The following ELMO1 variants were observed in gnomAD, a reference collection of about 807,000 sequenced individuals.
The protein encoded by ELMO1 is engulfment and cell motility 1, also known as engulfment and cell motility protein 1.
ELMO1 carries 26 observed loss-of-function variants against 98.9 expected under a neutral mutation model. The ratio of observed to expected loss-of-function variants is 0.26; its 90% CI spans 0.19 to 0.36. ELMO1 has a LOEUF of 0.36. Among genes scored for constraint, ELMO1 ranks in the 10% least tolerant of loss-of-function variants. ELMO1 has a pLI of 1.00. For missense variants in ELMO1, 627 were observed against 935.2 expected, an observed-to-expected ratio of 0.67 and a Z score of 4.30; for synonymous variants, 346 against 346.0, an observed-to-expected ratio of 1.00 and a Z score of 0.00.
intron 15 of ELMO1, among the ~76,000 whole-genome samples, chr7:37,062,492 T>C (rs976513856): frequency 6.6e-6 from 1 of 152,144 alleles, no homozygotes; most frequent in Non-Finnish European, 1.5e-5. Context: ...ACCATGAAAA[T>C]AGCTCACCGA....
intron 14 of ELMO1, among the ~76,000 whole-genome samples, chr7:37,118,572 T>C (rs1189903751): frequency 6.6e-6 from 1 of 152,216 alleles, no homozygotes; most frequent in Non-Finnish European, 1.5e-5. Flanking sequence ...CAGAAGGCTG[T>C]ACATCAATCA....
chr7:37,088,434 A>G (rs1262529698), intron 15 of ELMO1, among the ~76,000 whole-genome samples: 5 of 152,238 alleles, frequency 3.3e-5, no homozygotes, highest in Admixed American at 1.3e-4. Context: ...GCATCTTGGT[A>G]TCTCTAAGCT....
chr7:37,164,059 G>A (rs80062696), intron 13 of ELMO1, among the ~76,000 whole-genome samples: 32,579 of 152,078 alleles, frequency 0.21, 4,578 homozygotes, highest in African/African-American at 0.39. Context: ...ATCCCATTGC[G>A]GTTTTGATTT....
At chr7:37,262,424 G>T (rs142542002) in intron 5 of ELMO1, among the ~76,000 whole-genome samples, 2 of 152,202 alleles carry the variant, frequency 1.3e-5, no homozygotes, top group East Asian at 3.9e-4. Context: ...TCTCCAAATT[G>T]TCAAACTACA....
chr7:36,896,498 A>C (rs1376175215), intron 16 of ELMO1, among the ~76,000 whole-genome samples: 1 of 152,212 alleles, frequency 6.6e-6, no homozygotes, highest in Non-Finnish European at 1.5e-5. Flanking sequence ...TTTTCATTGA[A>C]GACATTTCAT....
intron 15 of ELMO1, among the ~76,000 whole-genome samples, chr7:37,093,706 G>A (rs977089416): frequency 6.6e-6 from 1 of 152,202 alleles, no homozygotes; most frequent in African/African-American, 2.4e-5. Context: ...ACCACAGGGT[G>A]TTTTATCATT....
rs531322286 is a variant in ELMO1, at chr7:37,103,586, C to T, written c.1192-6859G>A. 4.6e-5 allele frequency among the ~76,000 whole-genome samples: 7 copies of T among 151,546 alleles called. No individual in the cohort carries two copies. In the East Asian group the frequency reaches 7.8e-4, roughly 17 times the overall value. On this transcript the variant is annotated intron_variant, in intron 14 of 21. Coordinates refer to ENST00000310758, the MANE Select transcript of ELMO1 (RefSeq NM_014800.11). ...CATTAGGTTATCTAATGTTAAATGACGAGTTAATGGGTGCAGCACAACGTG... is the reference window on the plus strand; with the variant it reads ...CATTAGGTTATCTAATGTTAAATGATGAGTTAATGGGTGCAGCACAACGTG...
At chr7:37,277,820 C>T (rs1022090171) in intron 4 of ELMO1, among the ~76,000 whole-genome samples, 3 of 152,258 alleles carry the variant, frequency 2.0e-5, no homozygotes, top group Admixed American at 1.3e-4. Context: ...GCAATAACAG[C>T]ACTTTGTATG....
intron 15 of ELMO1, among the ~76,000 whole-genome samples, chr7:37,045,256 C>T (rs1397181005): frequency 6.6e-6 from 1 of 152,134 alleles, no homozygotes; most frequent in African/African-American, 2.4e-5. Context: ...ATTACTATTA[C>T]TAATGGTAAT....
At chr7:36,873,656 C>T (rs1303363560) in intron 19 of ELMO1, among the ~76,000 whole-genome samples, 1 of 152,182 alleles carries the variant, frequency 6.6e-6, no homozygotes, top group Non-Finnish European at 1.5e-5. Flanking sequence ...CTGCATGTTC[C>T]CCTGCTAGGC....
chr7:37,207,434 C>A (rs556778575), intron 13 of ELMO1, among the ~76,000 whole-genome samples: 2 of 150,806 alleles, frequency 1.3e-5, no homozygotes, highest in Non-Finnish European at 3.0e-5. Flanking sequence ...CTCCTGTAGT[C>A]CCAGCTATTC....
At chr7:37,389,374 C>G (rs1802962793) in intron 1 of ELMO1, among the ~76,000 whole-genome samples, 1 of 152,154 alleles carries the variant, frequency 6.6e-6, no homozygotes, top group South Asian at 2.1e-4. Flanking sequence ...AAAGGACTTT[C>G]CAAGTTCAAA....
At chr7:37,209,815 C>A (rs1389615111) in intron 13 of ELMO1, among the ~76,000 whole-genome samples, 1 of 152,140 alleles carries the variant, frequency 6.6e-6, no homozygotes, top group Admixed American at 6.5e-5. Flanking sequence ...AGGAAACTCA[C>A]CCGCTCCACC....
At chr7:37,187,767 G>C (rs924687234) in intron 13 of ELMO1, among the ~76,000 whole-genome samples, 3 of 152,124 alleles carry the variant, frequency 2.0e-5, no homozygotes, top group Non-Finnish European at 4.4e-5. Context: ...TTCAATTAAA[G>C]AATTGCCTTA....
intron 18 of ELMO1, among the ~76,000 whole-genome samples, chr7:36,882,720 G>C (rs1272821727): frequency 1.3e-5 from 2 of 152,144 alleles, no homozygotes; most frequent in Non-Finnish European, 2.9e-5. Context: ...TATGTACAAT[G>C]GTCATAATTA....
chr7:37,057,326 A>T (rs1363975616), intron 15 of ELMO1, among the ~76,000 whole-genome samples: 1 of 152,072 alleles, frequency 6.6e-6, no homozygotes, highest in African/African-American at 2.4e-5. Context: ...ACTTTATAGG[A>T]TTAAAGAGAA....
intron 1 of ELMO1, among the ~76,000 whole-genome samples, chr7:37,425,660 T>G (rs545624363): frequency 6.6e-6 from 1 of 152,216 alleles, no homozygotes; most frequent in Non-Finnish European, 1.5e-5. Flanking sequence ...AGATTTCCCA[T>G]GTGTAAAATG....
rs553107621 is a variant in ELMO1, at chr7:37,166,954, T to G, written c.1087-33720A>C. On this transcript the variant is annotated intron_variant, in intron 13 of 21. Transcript: ENST00000310758. The stretch of plus-strand genomic sequence containing the variant: ...ACAGTGGGGTGTTAAAGTCTCCCAT[T>G]ATTAATGTGTGGGAGTCTAAGTCTC... 1.8e-3 allele frequency among the ~76,000 whole-genome samples: 280 copies of G among 152,140 alleles called. 2 individuals are homozygous for G. Among genetic ancestry groups the G allele is most frequent in the African/African-American group, 6.6e-3 (272 of 41,478 alleles).
intron 5 of ELMO1, among the ~76,000 whole-genome samples, chr7:37,262,507 C>T (rs189785328): frequency 4.3e-4 from 65 of 152,306 alleles, no homozygotes; most frequent in South Asian, 3.3e-3. Flanking sequence ...CTCACCCCAG[C>T]GCCTGAGAAT....
Sources: allele counts gnomAD v4.1 joint callset (sites outside exome capture counted in the v4.1 genomes callset), GRCh38; gene constraint gnomAD v4.1.1; transcripts MANE v1.5; gene names NCBI Gene and HGNC (gene_info 2026-07-23, HGNC 2026-07-21).